The following NCKAP5 variants were observed in gnomAD, a reference collection of about 807,000 sequenced individuals.
NCKAP5 encodes nck-associated protein 5.
NCKAP5 carries 92 observed loss-of-function variants against 167.0 expected under a neutral mutation model. The ratio of observed to expected loss-of-function variants is 0.55; its 90% confidence interval spans 0.47 to 0.66. The LOEUF (loss-of-function observed/expected upper bound fraction) is 0.66. NCKAP5 is among the 30% of genes least tolerant of loss of function. The pLI is 0.00. For synonymous variants in NCKAP5, 891 were observed against 877.4 expected, an observed-to-expected ratio of 1.02 and a Z score of -0.27; for missense variants, 2,378 against 2,315.0, an observed-to-expected ratio of 1.03 and a Z score of -0.56.
At chr2:132,773,575 A>C (rs902211850) in intron 16 of NCKAP5, among the ~76,000 whole-genome samples, 1 of 152,216 alleles carries the variant, frequency 6.6e-6, no homozygotes, top group African/African-American at 2.4e-5. Flanking sequence ...ATATTGACAA[A>C]TACTTCTCAT....
intron 8 of NCKAP5, among the ~76,000 whole-genome samples, chr2:132,937,521 G>A (rs1194355712): frequency 6.6e-6 from 1 of 152,130 alleles, no homozygotes; most frequent in African/African-American, 2.4e-5. Context: ...ACCTTATATT[G>A]CTTTATGTTC....
intron 9 of NCKAP5, among the ~76,000 whole-genome samples, 152 bp from the exon 10 acceptor site, chr2:132,869,126 T>C (rs1457028496): frequency 6.6e-6 from 1 of 152,212 alleles, no homozygotes; most frequent in African/African-American, 2.4e-5. Context: ...ATTATTTTCA[T>C]AATAAGTCTA....
chr2:132,730,306 C>G (rs971837341), intron 17 of NCKAP5, among the ~76,000 whole-genome samples: 2 of 152,126 alleles, frequency 1.3e-5, no homozygotes, highest in Admixed American at 6.5e-5. Flanking sequence ...ACAGCCTGGC[C>G]AACATGGCGA....
At chr2:133,275,580 T>C (rs1274279707) in intron 4 of NCKAP5, among the ~76,000 whole-genome samples, 1 of 151,982 alleles carries the variant, frequency 6.6e-6, no homozygotes, top group Non-Finnish European at 1.5e-5. Flanking sequence ...ATGAAAGAGA[T>C]TACAAACCAA....
intron 11 of NCKAP5, among the ~76,000 whole-genome samples, chr2:132,829,133 T>C (rs1481272661): frequency 1.3e-5 from 2 of 152,248 alleles, no homozygotes; most frequent in Non-Finnish European, 2.9e-5. Flanking sequence ...AGTCGTGTTG[T>C]ATTTATTGAA....
At chr2:133,188,128 T>A (rs766487887) in intron 5 of NCKAP5, among the ~76,000 whole-genome samples, 2 of 152,058 alleles carry the variant, frequency 1.3e-5, no homozygotes, top group South Asian at 2.1e-4. Context: ...TTCCTTTCCA[T>A]GTTTAGTGCT....
In NCKAP5 at chr2:133,401,658, A is replaced by G. The variant is rs1013217749; in HGVS notation, c.70-98548T>C. Reference sequence around the variant, plus strand: ...GTAGAAACCAATCATCATAGTTGGTATCAGAGGTATTATGGAGTAAAAGTA... The same window carrying G: ...GTAGAAACCAATCATCATAGTTGGTGTCAGAGGTATTATGGAGTAAAAGTA... On this transcript the variant is annotated intron_variant, in intron 3 of 19. Coordinates refer to ENST00000409261, the MANE Select transcript of NCKAP5 (RefSeq NM_207363.3). 2.0e-5 allele frequency among the ~76,000 whole-genome samples: 3 copies of G among 152,334 alleles called. No individual in the cohort carries two copies. The South Asian group carries it at 6.2e-4, about 32-fold the overall frequency.
the NCKAP5 span, among the ~76,000 whole-genome samples, chr2:133,667,602 G>T: frequency 6.6e-6 from 1 of 151,974 alleles, no homozygotes; most frequent in African/African-American, 2.4e-5. Flanking sequence ...GGTCAAAGCA[G>T]AAGAGTAGAA....
intron 3 of NCKAP5, among the ~76,000 whole-genome samples, chr2:133,483,122 G>GT (rs1308780560): frequency 6.6e-6 from 1 of 151,964 alleles, no homozygotes; most frequent in Non-Finnish European, 1.5e-5. Flanking sequence ...TCTATCATCT[G>GT]TTTTTCTATC....
At chr2:133,531,266 C>T (rs1187267436) in intron 2 of NCKAP5, among the ~76,000 whole-genome samples, 2 of 152,038 alleles carry the variant, frequency 1.3e-5, no homozygotes, top group Non-Finnish European at 2.9e-5. Flanking sequence ...ATAGTTATTG[C>T]ATTAATAAAT....
At chr2:133,412,868 G>A (rs571458099) in intron 3 of NCKAP5, among the ~76,000 whole-genome samples, 2 of 152,212 alleles carry the variant, frequency 1.3e-5, no homozygotes, top group Non-Finnish European at 2.9e-5. Context: ...AAACATTTGA[G>A]ATTTCAAAAT....
chr2:132,892,997 G>GAAAAA (rs76025687), intron 8 of NCKAP5, among the ~76,000 whole-genome samples: 1 of 107,648 alleles, frequency 9.3e-6, no homozygotes, highest in East Asian at 2.4e-4. Context: ...TAAAAAAGCT[G>GAAAAA]AAAAAAAAAA....
At chr2:133,311,849 A>AAT (rs1380298792) in intron 3 of NCKAP5, among the ~76,000 whole-genome samples, 1 of 152,174 alleles carries the variant, frequency 6.6e-6, no homozygotes, top group Non-Finnish European at 1.5e-5. Context: ...GCAGAGACCG[A>AAT]ATATATATAT....
Position 133,349,306 on chromosome 2 carries a change from C to T in NCKAP5, c.70-46196G>A, listed in dbSNP as rs75042160. ...TAGGAAGAAGAGAGTTTCCAGTTAA[C>T]GGGAGGAAAACTGCACATTAGAAAA... On this transcript the variant is annotated intron_variant, in intron 3 of 19. Transcript: ENST00000409261. Among the ~76,000 whole-genome samples, 1,522 of 152,250 alleles carry T rather than the reference C, an allele frequency of 1.0e-2. 20 individuals are homozygous for T. The highest frequency in any genetic ancestry group is 0.034 in the African/African-American group (1,407 of 41,536).
chr2:133,048,618 T>C lies in NCKAP5; in HGVS notation c.342-54379A>G, dbSNP rs528033242. On this transcript the variant is annotated intron_variant, in intron 6 of 19. Transcript: ENST00000409261. ...ATTCTCTGAACTGTATGAGGGTTTA[T>C]TGGACAAATTAAAATTCAATCTAGT... is the stretch of plus-strand genomic sequence containing the variant. 1.8e-4 allele frequency among the ~76,000 whole-genome samples: 28 copies of C among 152,354 alleles called. No homozygotes were observed. The South Asian group carries it at 5.0e-3, about 27-fold the overall frequency.
chr2:132,733,430 G>A (rs537918805), intron 16 of NCKAP5, among the ~76,000 whole-genome samples: 16 of 152,220 alleles, frequency 1.1e-4, no homozygotes, highest in African/African-American at 1.7e-4. Context: ...TGTGATCTCC[G>A]CCTATGACTA....
intron 6 of NCKAP5, among the ~76,000 whole-genome samples, chr2:132,996,301 T>C (rs1355995652): frequency 6.6e-6 from 1 of 152,238 alleles, no homozygotes; most frequent in Non-Finnish European, 1.5e-5. Context: ...TATACACATG[T>C]GTATTTCTAC....
intron 8 of NCKAP5, among the ~76,000 whole-genome samples, chr2:132,913,034 A>T (rs1435344023): frequency 6.6e-6 from 1 of 152,012 alleles, no homozygotes; most frequent in Non-Finnish European, 1.5e-5. Flanking sequence ...TCAAACTACT[A>T]CGGTCTCTTC....
In NCKAP5 at chr2:133,303,072, C is replaced by T; in HGVS notation, c.108G>A (p.Leu36=). Residue 36 remains leucine, a synonymous_variant, in exon 4 of 20, where the codon CTG becomes CTA. Coordinates refer to ENST00000409261, the MANE Select transcript of NCKAP5 (RefSeq NM_207363.3). ...TCCTGTGTTGCTCCTCAAGCTGAGT[C>T]AGCAGATGCTCAATGTATTTATTGG... ...MDSNKYIEHL[L]TQLEEQHRSL... 6.3e-7 allele frequency: 1 copy of T among 1,599,198 alleles called. No individual in the cohort carries two copies. Among genetic ancestry groups the T allele is most frequent in the Admixed American group, 1.7e-5 (1 of 58,072 alleles).
Sources: allele counts gnomAD v4.1 joint callset (sites outside exome capture counted in the v4.1 genomes callset), GRCh38; gene constraint gnomAD v4.1.1; transcripts MANE v1.5; gene names NCBI Gene and HGNC (gene_info 2026-07-23, HGNC 2026-07-21).